Variants in OLAH observed in about 807,000 individuals in gnomAD.
OLAH encodes oleoyl-ACP hydrolase, also known as S-acyl fatty acid synthase thioesterase, medium chain.
In OLAH, 33 loss-of-function variants were observed where a neutral mutation model predicts 27.8. The ratio of observed to expected loss-of-function variants is 1.19; its 90% CI spans 0.90 to 1.59. The LOEUF (loss-of-function observed/expected upper bound fraction) is 1.59, where lower values mean the gene tolerates loss of function less well. Among genes scored for constraint, OLAH ranks in the 40% most tolerant of loss-of-function variants. OLAH has a pLI of 0.00. For synonymous variants in OLAH, 120 were observed against 102.9 expected (o/e 1.17, Z -1.01); for missense variants, 359 against 310.8 (o/e 1.16, Z -1.17).
At position 15,073,305 on chromosome 10, in the gene OLAH, T is replaced by C. The variant is rs2131386409; in HGVS notation, c.*76T>C. On this transcript the variant is annotated 3_prime_UTR_variant, in exon 8 of 8. Coordinates refer to ENST00000378228, the MANE Select transcript of OLAH (RefSeq NM_001039702.3). ...CAGTTATTCAGATATAGCTCAGTTT[T>C]ATTCAGATTGGAAATTACACATTTT... is the stretch of plus-strand genomic sequence containing the variant. 2.1e-6 allele frequency: 2 copies of C among 965,124 alleles called. No homozygotes were observed. The highest frequency in any genetic ancestry group is 5.2e-5 in the East Asian group (2 of 38,746). 59.8% of individuals were successfully genotyped at this position (965,124 alleles called of 1,614,324 possible).
chr10:15,033,114 C>A (rs908514418), intron 1 of OLAH, among the ~76,000 whole-genome samples: 4 of 151,628 alleles, frequency 2.6e-5, no homozygotes, highest in African/African-American at 9.7e-5. Flanking sequence ...TGACCTAAAG[C>A]GATCCACCTG....
In OLAH at chr10:15,034,870, C is replaced by T. The variant is rs1589232914; in HGVS notation, c.-164+2520C>T. On this transcript the variant is annotated intron_variant, in intron 1 of 3. Coordinates refer to the OLAH transcript ENST00000413672. ...AGGCTGGCATGCAGTGGCACGATCT[C>T]GGCTCACTGCAACCTTCACCTCCCG... Among the ~76,000 whole-genome samples, 3 of 148,950 alleles carry T rather than the reference C, an allele frequency of 2.0e-5. No homozygotes were observed. In the Admixed American group the frequency reaches 2.0e-4, roughly 10 times the overall value.
upstream of OLAH, among the ~76,000 whole-genome samples, chr10:15,039,786 G>C (rs917645139): frequency 6.6e-6 from 1 of 152,216 alleles, no homozygotes; most frequent in African/African-American, 2.4e-5. Context: ...CAGTTTGGAA[G>C]ACAAGGCCCC....
chr10:15,052,729 C>CTTTTT (rs1366770171), intron 3 of OLAH, among the ~76,000 whole-genome samples: 1 of 130,870 alleles, frequency 7.6e-6, no homozygotes, highest in African/African-American at 2.8e-5. Flanking sequence ...GAGGGCTTTT[C>CTTTTT]TTTTTTTTTT....
chr10:15,040,065 C>T (rs1165373115), upstream of OLAH, among the ~76,000 whole-genome samples: 1 of 152,194 alleles, frequency 6.6e-6, no homozygotes, highest in East Asian at 1.9e-4. Context: ...CACACTTTCC[C>T]CATGCCCCAT....
chr10:15,036,129 A>G (rs898250818), intron 1 of OLAH, among the ~76,000 whole-genome samples: 1 of 152,160 alleles, frequency 6.6e-6, no homozygotes, highest in African/African-American at 2.4e-5. Context: ...AAGTCACATT[A>G]TTGTCTTTAC....
In OLAH at chr10:15,044,346, A is replaced by G. The variant is rs540005047; in HGVS notation, c.-164+360A>G. Reference sequence around the variant, plus strand: ...TAAGGCATGCATATTTATACAGTCTAAATTTAGTAAAACCTCACAGATAAT... The same window carrying G: ...TAAGGCATGCATATTTATACAGTCTGAATTTAGTAAAACCTCACAGATAAT... On this transcript the variant is annotated intron_variant, in intron 1 of 7. Coordinates refer to ENST00000378228, the MANE Select transcript of OLAH (RefSeq NM_001039702.3). Among the ~76,000 whole-genome samples the G allele has an allele frequency of 9.2e-5, 14 of 152,232 alleles. No homozygotes were observed. The East Asian group carries it at 2.5e-3, about 27-fold the overall frequency.
upstream of OLAH, among the ~76,000 whole-genome samples, chr10:15,041,284 T>A (rs201772674): frequency 2.2e-5 from 3 of 137,920 alleles, no homozygotes; most frequent in Non-Finnish European, 4.9e-5. Context: ...ATTTTTATTT[T>A]TATTTTTTTT....
Position 15,060,162 on chromosome 10 carries a change from A to G in OLAH, c.164-1562A>G, listed in dbSNP as rs556316064. Among the ~76,000 whole-genome samples, 5 of 151,800 alleles carry G rather than the reference A, an allele frequency of 3.3e-5. No individual in the cohort carries two copies. In the East Asian group the frequency reaches 9.7e-4, roughly 29 times the overall value. ...ATTTATTTTGTCATGTTCTTTCTAC[A>G]CTTAATTTTCTTTTTTTTTATTTTG... On this transcript the variant is annotated intron_variant, in intron 3 of 7. Transcript: ENST00000378228.
At chr10:15,072,385 T>A (rs1381057211) in intron 7 of OLAH, among the ~76,000 whole-genome samples, 1 of 152,170 alleles carries the variant, frequency 6.6e-6, no homozygotes, top group Non-Finnish European at 1.5e-5. Context: ...GATGTTGGTC[T>A]TGTGTAAAAT....
intron 3 of OLAH, among the ~76,000 whole-genome samples, chr10:15,057,618 T>G (rs1844272285): frequency 6.6e-6 from 1 of 152,024 alleles, no homozygotes; most frequent in Admixed American, 6.6e-5. Context: ...ACTCCTGACT[T>G]CAGGTGATCC....
rs568051688 is a variant in OLAH, at chr10:15,048,015, G to C, written c.32+695G>C. On this transcript the variant is annotated intron_variant, in intron 2 of 7. Coordinates refer to ENST00000378228, the MANE Select transcript of OLAH (RefSeq NM_001039702.3). Reference sequence around the variant, plus strand: ...TATAACAGATTGCATCATTATACTAGGGTTTAGAACCTCATATTTGGGAAT... The same window carrying C: ...TATAACAGATTGCATCATTATACTACGGTTTAGAACCTCATATTTGGGAAT... Among the ~76,000 whole-genome samples the C allele has an allele frequency of 2.6e-5, 4 of 152,214 alleles. No homozygotes were observed. The South Asian group carries it at 8.3e-4, about 32-fold the overall frequency.
At position 15,053,310 on chromosome 10, in the gene OLAH, A is replaced by G. The variant is rs572913900; in HGVS notation, c.163+3545A>G. Reference sequence around the variant, plus strand: ...GGTTCCAGGGAAAGGCAGTCCCCCAATAGCTACAACACACTGAAAGTTGGC... The same window carrying G: ...GGTTCCAGGGAAAGGCAGTCCCCCAGTAGCTACAACACACTGAAAGTTGGC... On this transcript the variant is annotated intron_variant, in intron 3 of 7. Coordinates refer to ENST00000378228, the MANE Select transcript of OLAH (RefSeq NM_001039702.3). Among the ~76,000 whole-genome samples, 6 of 152,290 alleles carry G rather than the reference A, an allele frequency of 3.9e-5. No homozygotes were observed. The East Asian group carries it at 7.7e-4, about 20-fold the overall frequency.
chr10:15,035,468 C>G (rs78108864), intron 1 of OLAH, among the ~76,000 whole-genome samples: 1 of 152,092 alleles, frequency 6.6e-6, no homozygotes, highest in East Asian at 1.9e-4. Flanking sequence ...ACGGGTCACA[C>G]AGCGAAAGCA....
At chr10:15,045,706 C>G (rs1564526741) in intron 1 of OLAH, among the ~76,000 whole-genome samples, 1 of 152,290 alleles carries the variant, frequency 6.6e-6, no homozygotes, top group Middle Eastern at 3.4e-3. Flanking sequence ...TTGAAAGTCA[C>G]AACTGAGCTT....
In OLAH at chr10:15,071,259, T is replaced by C. The variant is rs556335750; in HGVS notation, c.573-536T>C. On this transcript the variant is annotated intron_variant, in intron 6 of 7. Coordinates refer to ENST00000378228, the MANE Select transcript of OLAH (RefSeq NM_001039702.3). ...CAGTTCTCCATCCCCCTGGACTTGA[T>C]AGCACCTTCCATCTCTCTCTAGTTG... 6.6e-5 allele frequency among the ~76,000 whole-genome samples: 10 copies of C among 152,274 alleles called. No homozygotes were observed. In the South Asian group the frequency reaches 1.9e-3, roughly 28 times the overall value.
upstream of OLAH, among the ~76,000 whole-genome samples, chr10:15,043,280 C>T (rs781735930): frequency 2.0e-5 from 3 of 151,996 alleles, no homozygotes; most frequent in Admixed American, 6.6e-5. Context: ...ATTGAAAACA[C>T]GAAAAGTCTT....
rs113807335 is a variant in OLAH, at chr10:15,069,999, C to T, written c.573-1796C>T. ...TCGCATGTACAGCAGATACCTCTTC[C>T]GCCTGGACATTGTGCCATCTGACCC... On this transcript the variant is annotated intron_variant, in intron 6 of 7. Coordinates refer to ENST00000378228, the MANE Select transcript of OLAH (RefSeq NM_001039702.3). Among the ~76,000 whole-genome samples the T allele has an allele frequency of 4.5e-3, 686 of 152,276 alleles. 2 individuals carry two copies. Among genetic ancestry groups the T allele is most frequent in the African/African-American group, 0.016 (657 of 41,570 alleles).
chr10:15,070,520 T>C (rs1313708470), intron 6 of OLAH, among the ~76,000 whole-genome samples: 1 of 152,210 alleles, frequency 6.6e-6, no homozygotes, highest in East Asian at 1.9e-4. Flanking sequence ...GTTTCGCTCT[T>C]GTTGACCAGG....
Sources: gnomAD v4.1 joint callset for allele counts (sites outside exome capture counted in the v4.1 genomes callset) on GRCh38, gnomAD v4.1.1 for gene constraint, MANE v1.5 for transcripts, NCBI Gene and HGNC (gene_info 2026-07-23, HGNC 2026-07-21) for gene names.